The following LSAMP variants were observed in gnomAD, a reference collection of about 807,000 sequenced individuals.
The protein encoded by LSAMP is limbic system-associated membrane protein.
LSAMP carries 7 observed loss-of-function variants against 38.6 expected under a neutral mutation model. That is an observed-to-expected ratio of 0.18 (90% CI 0.10 to 0.34). The LOEUF (loss-of-function observed/expected upper bound fraction) is 0.34. Ranked by LOEUF, LSAMP falls within the 10% of genes least tolerant of loss-of-function variation. The probability of loss-of-function intolerance (pLI) is 1.00; values close to 1 mark genes in which losing one functional copy is unlikely to be tolerated. For synonymous variants in LSAMP, 154 were observed against 166.8 expected (o/e 0.92, Z 0.59); for missense variants, 313 against 420.0 (o/e 0.75, Z 2.23).
chr3:115,959,329 G>A (rs1448039193), intron 3 of LSAMP, among the ~76,000 whole-genome samples: 2 of 152,084 alleles, frequency 1.3e-5, no homozygotes, highest in African/African-American at 2.4e-5. Flanking sequence ...CATGATTTAG[G>A]GTGGTGGTTT....
intron 1 of LSAMP, among the ~76,000 whole-genome samples, chr3:116,408,234 C>T (rs754481586): frequency 6.6e-6 from 1 of 151,958 alleles, no homozygotes; most frequent in Non-Finnish European, 1.5e-5. Flanking sequence ...ATAAAAGCTA[C>T]AGTTATAGTG....
At position 116,399,628 on chromosome 3, in the gene LSAMP, G is replaced by A. The variant is rs550799639; in HGVS notation, c.155+45249C>T. Reference sequence around the variant, plus strand: ...GTTTTGTCAATAAGCAGAGGTGGGGGCAGTTAGTGATAAAAATACTGTGCA... The same window carrying A: ...GTTTTGTCAATAAGCAGAGGTGGGGACAGTTAGTGATAAAAATACTGTGCA... On this transcript the variant is annotated intron_variant, in intron 1 of 6. Coordinates refer to ENST00000490035, the MANE Select transcript of LSAMP (RefSeq NM_002338.5). Among the ~76,000 whole-genome samples the A allele has an allele frequency of 9.2e-5, 14 of 152,280 alleles. No homozygotes were observed. The South Asian group carries it at 2.9e-3, about 32-fold the overall frequency.
At chr3:115,962,032 G>T (rs767421111) in intron 3 of LSAMP, among the ~76,000 whole-genome samples, 3 of 152,102 alleles carry the variant, frequency 2.0e-5, no homozygotes, top group Non-Finnish European at 4.4e-5. Context: ...ACCAGCAAAG[G>T]CACTGGCCTG....
intron 3 of LSAMP, among the ~76,000 whole-genome samples, chr3:115,981,761 A>G (rs928635274): frequency 6.6e-6 from 1 of 152,196 alleles, no homozygotes; most frequent in African/African-American, 2.4e-5. Flanking sequence ...ACAACAACAA[A>G]AAACAACCAA....
chr3:116,311,433 C>T (rs566474658), intron 1 of LSAMP, among the ~76,000 whole-genome samples: 3 of 152,170 alleles, frequency 2.0e-5, no homozygotes, highest in South Asian at 2.1e-4. Context: ...TTCTCCCAAG[C>T]GATTCTGATG....
chr3:115,836,395 A>G (rs141329910), intron 6 of LSAMP, among the ~76,000 whole-genome samples: 111 of 152,314 alleles, frequency 7.3e-4, no homozygotes, highest in African/African-American at 2.5e-3. Context: ...GTAAGAGTGT[A>G]AAGTGAAGTA....
intron 1 of LSAMP, among the ~76,000 whole-genome samples, chr3:116,294,823 T>C (rs1193545495): frequency 6.6e-6 from 1 of 152,188 alleles, no homozygotes; most frequent in Non-Finnish European, 1.5e-5. Flanking sequence ...CTGCTGTGAT[T>C]AGGCATGGGG....
At position 115,872,391 on chromosome 3, in the gene LSAMP, T is replaced by A. The variant is rs191439493; in HGVS notation, c.515-19774A>T. On this transcript the variant is annotated intron_variant, in intron 3 of 6. Coordinates refer to ENST00000490035, the MANE Select transcript of LSAMP (RefSeq NM_002338.5). Reference sequence around the variant, plus strand: ...CTGCCCCATGTGCCACCCTGCGGCATCACCTGCACCTTACTATAGAGCTCA... The same window carrying A: ...CTGCCCCATGTGCCACCCTGCGGCAACACCTGCACCTTACTATAGAGCTCA... Among the ~76,000 whole-genome samples, 4 of 152,214 alleles carry A rather than the reference T, an allele frequency of 2.6e-5. No homozygotes were observed. The East Asian group carries it at 7.7e-4, about 29-fold the overall frequency.
At chr3:116,063,828 A>C (rs1342472244) in intron 2 of LSAMP, among the ~76,000 whole-genome samples, 1 of 152,218 alleles carries the variant, frequency 6.6e-6, no homozygotes, top group Non-Finnish European at 1.5e-5. Flanking sequence ...CAAAAAAACC[A>C]AATCTTCAAA....
chr3:116,404,390 A>G (rs1282009311), intron 1 of LSAMP, among the ~76,000 whole-genome samples: 3 of 152,182 alleles, frequency 2.0e-5, no homozygotes. Flanking sequence ...AGTTAGTACC[A>G]GACTGGCTTA....
chr3:116,255,128 C>T (rs1386162215), intron 1 of LSAMP, among the ~76,000 whole-genome samples: 1 of 152,046 alleles, frequency 6.6e-6, no homozygotes, highest in Non-Finnish European at 1.5e-5. Flanking sequence ...AGACAAGGCC[C>T]TCCTCTTCTT....
At chr3:115,961,072 G>A (rs1327065772) in intron 3 of LSAMP, among the ~76,000 whole-genome samples, 1 of 152,192 alleles carries the variant, frequency 6.6e-6, no homozygotes, top group Admixed American at 6.5e-5. Flanking sequence ...AGCTTAACGA[G>A]GTAAGGGAGC....
intron 1 of LSAMP, among the ~76,000 whole-genome samples, chr3:116,140,392 T>C (rs1206201452): frequency 6.6e-6 from 1 of 152,008 alleles, no homozygotes; most frequent in Non-Finnish European, 1.5e-5. Context: ...GATTGCTTTT[T>C]ATACAGAAAG....
intron 6 of LSAMP, among the ~76,000 whole-genome samples, chr3:115,817,788 T>G (rs879486466): frequency 1.3e-5 from 2 of 152,198 alleles, no homozygotes; most frequent in Non-Finnish European, 2.9e-5. Flanking sequence ...AAGCCAGCAC[T>G]CACCCTGGAA....
chr3:115,838,474 A>T (rs1367268975), intron 6 of LSAMP, among the ~76,000 whole-genome samples: 1 of 152,220 alleles, frequency 6.6e-6, no homozygotes, highest in East Asian at 1.9e-4. Flanking sequence ...TGTCATGCAT[A>T]TCCCCGTCTG....
At chr3:116,285,634 G>T (rs1263358384) in intron 1 of LSAMP, among the ~76,000 whole-genome samples, 1 of 151,902 alleles carries the variant, frequency 6.6e-6, no homozygotes, top group East Asian at 1.9e-4. Context: ...GATGGTATTT[G>T]CTGTCTTTTC....
chr3:116,272,157 T>C (rs974588617), intron 1 of LSAMP, among the ~76,000 whole-genome samples: 1 of 151,544 alleles, frequency 6.6e-6, no homozygotes, highest in Non-Finnish European at 1.5e-5. Context: ...TAAATATATA[T>C]ATATATAATA....
intron 1 of LSAMP, among the ~76,000 whole-genome samples, chr3:116,288,020 A>G (rs1327582051): frequency 6.6e-6 from 1 of 152,224 alleles, no homozygotes; most frequent in African/African-American, 2.4e-5. Context: ...AGGGAGGCAA[A>G]AAGATTTAAA....
chr3:116,084,906 C>T (rs1707953897), intron 2 of LSAMP, among the ~76,000 whole-genome samples: 1 of 151,502 alleles, frequency 6.6e-6, no homozygotes, highest in Non-Finnish European at 1.5e-5. Context: ...AACTAGTTAT[C>T]TCTCCTCCTT....
Sources: allele counts gnomAD v4.1 joint callset (sites outside exome capture counted in the v4.1 genomes callset), GRCh38; gene constraint gnomAD v4.1.1; transcripts MANE v1.5; gene names NCBI Gene and HGNC (gene_info 2026-07-23, HGNC 2026-07-21).